CACNB4: variants seen among roughly 807,000 people sequenced by gnomAD.
CACNB4 encodes the protein voltage-dependent L-type calcium channel subunit beta-4.
A neutral mutation model predicts 71.2 loss-of-function variants in CACNB4; 32 were observed. The ratio of observed to expected loss-of-function variants is 0.45; its 90% confidence interval spans 0.34 to 0.60. The LOEUF (loss-of-function observed/expected upper bound fraction) is 0.60, where lower values mean the gene tolerates loss of function less well. CACNB4 is among the 20% of genes least tolerant of loss of function. The probability of loss-of-function intolerance (pLI) is 0.01; values close to 1 mark genes in which losing one functional copy is unlikely to be tolerated. For synonymous variants in CACNB4, 231 were observed against 236.9 expected, an observed-to-expected ratio of 0.97 and a Z score of 0.23; for missense variants, 464 against 647.9, an observed-to-expected ratio of 0.72 and a Z score of 3.08.
intron 2 of CACNB4, among the ~76,000 whole-genome samples, chr2:152,015,189 G>A (rs976007416): frequency 3.3e-5 from 5 of 152,040 alleles, no homozygotes; most frequent in African/African-American, 1.2e-4. Context: ...CTGGAGTGCA[G>A]TGGCACGATC....
At chr2:152,065,394 A>G (rs942022577) in intron 2 of CACNB4, among the ~76,000 whole-genome samples, 8 of 152,058 alleles carry the variant, frequency 5.3e-5, no homozygotes, top group African/African-American at 9.7e-5. Context: ...AAAGAAAAAA[A>G]AAAAAAAGAG....
chr2:151,933,318 T>C (rs1004562468), intron 2 of CACNB4, among the ~76,000 whole-genome samples: 4 of 152,046 alleles, frequency 2.6e-5, no homozygotes, highest in Non-Finnish European at 4.4e-5. Context: ...TATTCTCTGC[T>C]TGTTCTGTGG....
chr2:151,955,438 A>G (rs765201806), intron 2 of CACNB4, among the ~76,000 whole-genome samples: 6 of 152,232 alleles, frequency 3.9e-5, no homozygotes, highest in Non-Finnish European at 7.3e-5. Context: ...CTTGCCCTCT[A>G]GAGTCCTATG....
intron 2 of CACNB4, among the ~76,000 whole-genome samples, chr2:152,057,249 G>T (rs887418110): frequency 1.3e-5 from 2 of 152,086 alleles, no homozygotes; most frequent in Non-Finnish European, 2.9e-5. Flanking sequence ...ATGCAAATGA[G>T]CTGAGAAGCA....
intron 2 of CACNB4, among the ~76,000 whole-genome samples, chr2:151,893,615 T>A (rs1458448639): frequency 1.3e-5 from 2 of 152,096 alleles, no homozygotes; most frequent in Non-Finnish European, 2.9e-5. Flanking sequence ...ACACATATAT[T>A]TTAAAAGATA....
At chr2:151,906,313 C>G (rs1363197545) in intron 2 of CACNB4, among the ~76,000 whole-genome samples, 2 of 152,194 alleles carry the variant, frequency 1.3e-5, no homozygotes, top group East Asian at 3.9e-4. Context: ...GTTGAAGCCA[C>G]TGGTTGCCCT....
intron 2 of CACNB4, among the ~76,000 whole-genome samples, chr2:152,035,965 G>A (rs527799068): frequency 1.4e-4 from 22 of 152,184 alleles, no homozygotes; most frequent in South Asian, 8.3e-4. Flanking sequence ...AAAATGTGGC[G>A]TATGCAGACA....
intron 2 of CACNB4, chr2:151,968,737 C>T (rs1046670097): frequency 6.6e-6 from 1 of 152,116 alleles, no homozygotes; most frequent in Non-Finnish European, 1.5e-5. Context: ...TGAGTACATA[C>T]AAAGGGAGTC....
At chr2:152,064,938 T>C (rs1426979304) in intron 2 of CACNB4, among the ~76,000 whole-genome samples, 1 of 152,178 alleles carries the variant, frequency 6.6e-6, no homozygotes, top group African/African-American at 2.4e-5. Context: ...AGCTTGACCC[T>C]TGAGTTCACA....
intron 9 of CACNB4, among the ~76,000 whole-genome samples, chr2:151,864,137 G>C (rs1438044468): frequency 6.6e-6 from 1 of 152,082 alleles, no homozygotes; most frequent in Non-Finnish European, 1.5e-5. Context: ...AGTCCCCCTA[G>C]TTTCAGCATT....
At chr2:151,846,632 A>C (rs1008063667) in intron 12 of CACNB4, among the ~76,000 whole-genome samples, 3 of 152,116 alleles carry the variant, frequency 2.0e-5, no homozygotes, top group African/African-American at 7.2e-5. Flanking sequence ...CGATCACTGA[A>C]GCCTTAATCT....
intron 2 of CACNB4, among the ~76,000 whole-genome samples, chr2:151,897,150 T>C (rs2099852292): frequency 6.6e-6 from 1 of 152,204 alleles, no homozygotes; most frequent in Non-Finnish European, 1.5e-5. Flanking sequence ...TCTCCAAAGC[T>C]CTTTCGAGGT....
At chr2:151,892,813 C>CG (rs1334974332) in intron 2 of CACNB4, among the ~76,000 whole-genome samples, 4 of 152,124 alleles carry the variant, frequency 2.6e-5, no homozygotes, top group Non-Finnish European at 5.9e-5. Context: ...AAGAAGAGAA[C>CG]CTTAAATGGA....
At chr2:152,031,740 T>C (rs1251071278) in intron 2 of CACNB4, among the ~76,000 whole-genome samples, 2 of 152,044 alleles carry the variant, frequency 1.3e-5, no homozygotes, top group Non-Finnish European at 2.9e-5. Context: ...GTCAGCAGGG[T>C]CTCTGCTAGA....
intron 6 of CACNB4, chr2:151,871,120 G>A (rs1395524822): frequency 7.9e-6 from 4 of 507,570 alleles, no homozygotes; most frequent in South Asian, 2.7e-5. Context: ...TTGGGTACAG[G>A]AGTTGAGAGC....
intron 2 of CACNB4, among the ~76,000 whole-genome samples, chr2:151,990,737 C>T (rs1681661616): frequency 6.6e-6 from 1 of 152,170 alleles, no homozygotes; most frequent in Non-Finnish European, 1.5e-5. Context: ...ACAATTTCAA[C>T]TGAGTGAGCA....
At chr2:152,022,778 C>T (rs3845845) in intron 2 of CACNB4, among the ~76,000 whole-genome samples, 29,677 of 151,982 alleles carry the variant, frequency 0.2, 4,158 homozygotes, top group East Asian at 0.73. Context: ...TCCACAGCAC[C>T]CCCATCACCT....
intron 2 of CACNB4, among the ~76,000 whole-genome samples, chr2:152,038,828 C>G (rs566237935): frequency 6.6e-6 from 1 of 152,274 alleles, no homozygotes; most frequent in East Asian, 1.9e-4. Flanking sequence ...AGGCCTTCCA[C>G]CTCCCAGCCC....
At chr2:151,922,816 T>C (rs1237160202) in intron 2 of CACNB4, among the ~76,000 whole-genome samples, 3 of 152,242 alleles carry the variant, frequency 2.0e-5, no homozygotes, top group Non-Finnish European at 2.9e-5. Context: ...TTTAGACCTT[T>C]TGAATTTTGC....
Sources: gnomAD v4.1 joint callset for allele counts (sites outside exome capture counted in the v4.1 genomes callset) on GRCh38, gnomAD v4.1.1 for gene constraint, MANE v1.5 for transcripts, NCBI Gene and HGNC (gene_info 2026-07-23, HGNC 2026-07-21) for gene names.